The following ASXL2 variants were observed in gnomAD, a reference collection of about 807,000 sequenced individuals.
The protein encoded by ASXL2 is putative Polycomb group protein ASXL2.
Under a neutral mutation model 122.0 loss-of-function variants are expected in ASXL2, and 23 were observed. That is an observed-to-expected ratio of 0.19 (90% CI 0.14 to 0.27). The LOEUF is 0.27. Ranked by LOEUF, ASXL2 falls within the 10% of genes least tolerant of loss-of-function variation. The pLI, the probability that ASXL2 is intolerant of heterozygous loss-of-function variation, is 1.00. For missense variants in ASXL2, 1,518 were observed against 1,713.8 expected, an observed-to-expected ratio of 0.89 and a Z score of 2.02; for synonymous variants, 650 against 637.0, an observed-to-expected ratio of 1.02 and a Z score of -0.31.
intron 3 of ASXL2, chr2:25,822,426 G>A: frequency 3.0e-6 from 1 of 331,516 alleles, no homozygotes; most frequent in East Asian, 8.4e-5. Flanking sequence ...GTCGACGCCA[G>A]AGGGCCGCCC....
rs1160343563 is a variant in ASXL2 at position 25,742,993 on chromosome 2, G to A, written c.3344C>T (p.Thr1115Ile). ...GTGCCCTGCCATTGCAGGTTTGGATGTCCTTCTGCCAGCAAAACCCAGCAT... is the reference window on the plus strand; with the variant it reads ...GTGCCCTGCCATTGCAGGTTTGGATATCCTTCTGCCAGCAAAACCCAGCAT... ...RFMLGFAGRR[T>I]SKPAMAGHYL... The change falls in exon 13 of 13, where the codon ACA becomes ATA. Residue 1115 changes from threonine to isoleucine, a missense_variant. Physicochemically the swap from Thr to Ile is moderately conservative, Grantham distance 89 (BLOSUM62 -1). Transcript: ENST00000435504. The A allele has an allele frequency of 6.2e-7, 1 of 1,614,014 alleles. No individual in the cohort carries two copies.
Position 25,744,763 on chromosome 2 carries a change from A to G in ASXL2, c.1861-287T>C, listed in dbSNP as rs1247668653. On this transcript the variant is annotated intron_variant, in intron 12 of 12. Coordinates refer to ENST00000435504, the MANE Select transcript of ASXL2 (RefSeq NM_018263.6). This position sits in a 1 kb window ranked among gnomAD's most constrained non-coding sequence, Gnocchi z 4.7. ...TCAACTCCCTCCTAATGCCACTATT[A>G]CAAGTGCTTATTATGATACAAAGTT... Among the ~76,000 whole-genome samples the G allele has an allele frequency of 6.6e-6, 1 of 152,172 alleles. No homozygotes were observed. The highest frequency in any genetic ancestry group is 6.5e-5 in the Admixed American group (1 of 15,278).
intron 1 of ASXL2, among the ~76,000 whole-genome samples, chr2:25,859,080 G>A (rs1188523658): frequency 5.9e-5 from 9 of 151,970 alleles, no homozygotes; most frequent in South Asian, 4.2e-4. Flanking sequence ...CTCCTGAAGC[G>A]CTGGGATTAC....
intron 3 of ASXL2, among the ~76,000 whole-genome samples, chr2:25,811,238 G>A (rs2089166106): frequency 6.6e-6 from 1 of 151,966 alleles, no homozygotes; most frequent in Admixed American, 6.6e-5. Context: ...GGGCAACAGA[G>A]TGAGACCATG....
chr2:25,762,214 A>T lies in ASXL2; in HGVS notation c.776-2569T>A, dbSNP rs114412058. ...TATATCAATTTTTTAGAAGTGTGGTACCATTTAAGGAATCACTAACCACTA... is the reference window on the plus strand; with the variant it reads ...TATATCAATTTTTTAGAAGTGTGGTTCCATTTAAGGAATCACTAACCACTA... On this transcript the variant is annotated intron_variant, in intron 8 of 12. Transcript: ENST00000435504. 3.4e-3 allele frequency among the ~76,000 whole-genome samples: 518 copies of T among 151,790 alleles called. 4 individuals carry two copies. Among genetic ancestry groups the T allele is most frequent in the African/African-American group, 0.012 (486 of 41,450 alleles).
intron 3 of ASXL2, among the ~76,000 whole-genome samples, chr2:25,826,762 TAAA>T (rs55765302): frequency 8.8e-5 from 6 of 68,084 alleles, no homozygotes; most frequent in African/African-American, 2.3e-4. Flanking sequence ...ACTTTCAAGG[TAAA>T]AAAAAAAAAA....
rs561068821 is a variant in ASXL2 at position 25,735,209 on chromosome 2, A to G, written c.*6820T>C. The G allele has an allele frequency of 2.0e-5, 3 of 152,322 alleles. No homozygotes were observed. The South Asian group carries it at 6.2e-4, about 32-fold the overall frequency. 9.4% of individuals were successfully genotyped at this position (152,322 alleles called of 1,614,324 possible). A position where few individuals can be genotyped will look rare whatever the true frequency, so the allele number is the denominator to read the frequency against. ...AATGCCTTTTTAGGTTAAGGCAGAA[A>G]GTTACATGGAAGTACAGAGTCTATA... On this transcript the variant is annotated 3_prime_UTR_variant, in exon 13 of 13. Coordinates refer to ENST00000435504, the MANE Select transcript of ASXL2 (RefSeq NM_018263.6).
rs533675397 is a variant in ASXL2 at position 25,740,234 on chromosome 2, C to T, written c.*1795G>A. The T allele has an allele frequency of 1.5e-4, 30 of 205,020 alleles. No homozygotes were observed. The highest frequency in any genetic ancestry group is 1.1e-3 in the Admixed American group (19 of 16,688). 12.7% of individuals were successfully genotyped at this position (205,020 alleles called of 1,614,324 possible). A position where few individuals can be genotyped will look rare whatever the true frequency, so the allele number is the denominator to read the frequency against. ...GAAGTGAGTTTCTTACGGAGAGGAG[C>T]GGAGCAGGGGCTGTGGGAAAGCATC... On this transcript the variant is annotated 3_prime_UTR_variant, in exon 13 of 13. Coordinates refer to ENST00000435504, the MANE Select transcript of ASXL2 (RefSeq NM_018263.6).
At chr2:25,875,662 A>C (rs1057110110) in intron 1 of ASXL2, among the ~76,000 whole-genome samples, 5 of 152,156 alleles carry the variant, frequency 3.3e-5, no homozygotes, top group African/African-American at 9.7e-5. Flanking sequence ...TCAGGAAAAC[A>C]ACCTTATTTT....
intron 3 of ASXL2, among the ~76,000 whole-genome samples, chr2:25,824,924 C>T (rs1241436933): frequency 6.6e-6 from 1 of 152,204 alleles, no homozygotes; most frequent in Non-Finnish European, 1.5e-5. Context: ...ATTAAGTATA[C>T]ATGGCCCATC....
At chr2:25,841,213 T>C (rs2089574430) in intron 2 of ASXL2, among the ~76,000 whole-genome samples, 1 of 152,112 alleles carries the variant, frequency 6.6e-6, no homozygotes, top group Non-Finnish European at 1.5e-5. Flanking sequence ...ATGGGACTGC[T>C]TGATCCCAAA....
intron 1 of ASXL2, among the ~76,000 whole-genome samples, chr2:25,869,862 T>C (rs1224130815): frequency 6.9e-6 from 1 of 145,632 alleles, no homozygotes; most frequent in African/African-American, 2.6e-5. Context: ...TGTTAAATAA[T>C]CAGGGACCGA....
intron 2 of ASXL2, among the ~76,000 whole-genome samples, chr2:25,842,994 T>G (rs2089605358): frequency 1.3e-5 from 2 of 151,416 alleles, no homozygotes; most frequent in Non-Finnish European, 2.9e-5. Context: ...GCTAATTTTT[T>G]TTTTTTTAAT....
intron 1 of ASXL2, among the ~76,000 whole-genome samples, chr2:25,858,136 T>G (rs2089802394): frequency 6.6e-6 from 1 of 152,196 alleles, no homozygotes; most frequent in South Asian, 2.1e-4. Flanking sequence ...GATTTAGTGT[T>G]TGCAAATTGA....
intron 8 of ASXL2, among the ~76,000 whole-genome samples, chr2:25,766,174 G>T (rs2088346700): frequency 6.6e-6 from 1 of 151,872 alleles, no homozygotes; most frequent in Non-Finnish European, 1.5e-5. Context: ...CTTTCTATGT[G>T]AAGTATTTTT....
At chr2:25,876,513 A>G (rs577255628) in intron 1 of ASXL2, among the ~76,000 whole-genome samples, 1 of 152,314 alleles carries the variant, frequency 6.6e-6, no homozygotes, top group East Asian at 1.9e-4. Flanking sequence ...TCTACAAAAT[A>G]TTTTTAATTA....
chr2:25,786,591 C>G (rs1040702691), intron 5 of ASXL2, among the ~76,000 whole-genome samples: 1 of 152,074 alleles, frequency 6.6e-6, no homozygotes. Flanking sequence ...TGGTGGCTCA[C>G]GCCTGTAATC....
chr2:25,870,340 T>C (rs1574457315), intron 1 of ASXL2, among the ~76,000 whole-genome samples: 1 of 152,078 alleles, frequency 6.6e-6, no homozygotes, highest in Non-Finnish European at 1.5e-5. Context: ...CTGGCCAACA[T>C]GGTGAAACCC....
chr2:25,774,770 G>A (rs2088518698), intron 5 of ASXL2, among the ~76,000 whole-genome samples: 1 of 152,174 alleles, frequency 6.6e-6, no homozygotes, highest in South Asian at 2.1e-4. Flanking sequence ...AGGTGATACT[G>A]CCAGTTTTCC....
Sources: gnomAD v4.1 joint callset for allele counts (sites outside exome capture counted in the v4.1 genomes callset) on GRCh38, gnomAD v4.1.1 for gene constraint, Gnocchi (gnomAD v3.1) non-coding constraint, MANE v1.5 for transcripts, NCBI Gene and HGNC (gene_info 2026-07-23, HGNC 2026-07-21) for gene names.